Variants in FRMD6 observed in about 807,000 individuals in gnomAD.
FRMD6 encodes the protein FERM domain containing 6.
In FRMD6, 37 loss-of-function variants were observed where a neutral mutation model predicts 73.2. The ratio of observed to expected loss-of-function variants is 0.51; its 90% confidence interval spans 0.39 to 0.66. FRMD6 has a LOEUF of 0.66. Among genes scored for constraint, FRMD6 ranks in the 30% least tolerant of loss-of-function variants. The pLI, the probability that FRMD6 is intolerant of heterozygous loss-of-function variation, is 0.00. For missense variants in FRMD6, 714 were observed against 780.5 expected (o/e 0.91, Z 1.02); for synonymous variants, 273 against 282.2 (o/e 0.97, Z 0.33).
intron 1 of FRMD6, among the ~76,000 whole-genome samples, chr14:51,546,385 A>T (rs905910577): frequency 1.4e-5 from 2 of 143,112 alleles, no homozygotes; most frequent in East Asian, 4.1e-4. Context: ...GTCTCTCAGG[A>T]AAGAGAAACT....
the FRMD6 span, among the ~76,000 whole-genome samples, chr14:51,444,973 A>G: frequency 6.6e-6 from 1 of 152,306 alleles, no homozygotes; most frequent in African/African-American, 2.4e-5. Flanking sequence ...ATATAATACT[A>G]TAATGATCAT....
In FRMD6 at chr14:51,519,233, T is replaced by A. The variant is rs369163858; in HGVS notation, c.-210+29813T>A. Among the ~76,000 whole-genome samples, 8 of 141,026 alleles carry A rather than the reference T, an allele frequency of 5.7e-5. 1 individual carries two copies. In the East Asian group the frequency reaches 1.7e-3, roughly 30 times the overall value. The allele number at this position is 141,026 out of a possible 152,430, so 92.5% of individuals were successfully genotyped here. A position where few individuals can be genotyped will look rare whatever the true frequency, so the allele number is the denominator to read the frequency against. ...AGGCTGGAGTGCAGTGGCACAATCT[T>A]GGCTTGCTGTAACCTCCGCCTCAGG... On this transcript the variant is annotated intron_variant, in intron 1 of 14. Coordinates refer to the FRMD6 transcript ENST00000356218.
chr14:51,678,435 T>C lies in FRMD6; in HGVS notation c.-146-11256T>C, dbSNP rs138753912. On this transcript the variant is annotated intron_variant, in intron 1 of 13. Transcript: ENST00000344768. ...GATCGTATTCTCACATTATGTCCAC[T>C]AAATTTGGAGACAAGAAGAAATGTA... Among the ~76,000 whole-genome samples, 178 of 152,266 alleles carry C rather than the reference T, an allele frequency of 1.2e-3. 1 individual carries two copies. Among genetic ancestry groups the C allele is most frequent in the African/African-American group, 3.8e-3 (157 of 41,558 alleles).
the FRMD6 span, among the ~76,000 whole-genome samples, chr14:51,429,032 G>GGGGAGAGAGAGAGAGAAAAGAGAAGAGAA: frequency 7.3e-6 from 1 of 137,844 alleles, no homozygotes. Flanking sequence ...GAGAGAGAGG[G>GGGGAGAGAGAGAGAGAAAAGAGAAGAGAA]GAGAGAAAAG....
intron 2 of FRMD6, among the ~76,000 whole-genome samples, chr14:51,629,179 A>G (rs1468421000): frequency 6.6e-6 from 1 of 152,180 alleles, no homozygotes; most frequent in Non-Finnish European, 1.5e-5. Context: ...GCGCCCAGCC[A>G]CATCTCCCTT....
chr14:51,563,833 T>G (rs537045243), intron 1 of FRMD6, among the ~76,000 whole-genome samples: 1 of 152,352 alleles, frequency 6.6e-6, no homozygotes, highest in Non-Finnish European at 1.5e-5. Context: ...AAGTCCATTT[T>G]TATTCACTGA....
chr14:51,727,269 C>G (rs756377783), intron 13 of FRMD6, among the ~76,000 whole-genome samples: 26 of 150,724 alleles, frequency 1.7e-4, no homozygotes, highest in Non-Finnish European at 3.2e-4. Flanking sequence ...AAAATAATAA[C>G]AGACCTTGGC....
Position 51,715,343 on chromosome 14 carries a change from T to G in FRMD6, c.868T>G (p.Leu290Val), listed in dbSNP as rs1329391894. ...LVFVGKKFEI[L>V]PDGLPSARKL... is the part of the protein sequence containing the mutation. Reference sequence around the variant, plus strand: ...TCCAAAGGGTAAGAAATTTGAGATTTTGCCAGATGGCTTGCCTTCTGCCCG... The same window carrying G: ...TCCAAAGGGTAAGAAATTTGAGATTGTGCCAGATGGCTTGCCTTCTGCCCG... Residue 290 changes from leucine to valine, a missense_variant, in exon 10 of 14, where the codon TTG becomes GTG. By Grantham distance (32) the Leu-to-Val change is conservative (BLOSUM62 1). Coordinates refer to ENST00000344768, the MANE Select transcript of FRMD6 (RefSeq NM_001267046.2). 22 of 1,570,474 alleles carry G rather than the reference T, an allele frequency of 1.4e-5. No homozygotes were observed. Among genetic ancestry groups the G allele is most frequent in the Non-Finnish European group, 1.8e-5 (21 of 1,156,124 alleles).
chr14:51,421,307 C>T, the FRMD6 span, among the ~76,000 whole-genome samples: 1 of 152,100 alleles, frequency 6.6e-6, no homozygotes, highest in African/African-American at 2.4e-5. Context: ...AGCTGACTGC[C>T]ACTGGATTGA....
At chr14:51,512,070 C>T (rs1884343238) in intron 1 of FRMD6, among the ~76,000 whole-genome samples, 1 of 151,890 alleles carries the variant, frequency 6.6e-6, no homozygotes, top group East Asian at 1.9e-4. Flanking sequence ...CTATTCAGTC[C>T]AGAACTAGAA....
the FRMD6 span, among the ~76,000 whole-genome samples, chr14:51,472,593 G>C: frequency 6.6e-6 from 1 of 152,122 alleles, no homozygotes; most frequent in South Asian, 2.1e-4. Context: ...GTGAGCCTCC[G>C]CACCCAGCCT....
At chr14:51,598,999 A>G (rs1280440378) in intron 2 of FRMD6, among the ~76,000 whole-genome samples, 1 of 149,246 alleles carries the variant, frequency 6.7e-6, no homozygotes, top group Non-Finnish European at 1.5e-5. Flanking sequence ...GGACTAATTT[A>G]CATTCCCACC....
At chr14:51,607,631 G>T (rs143200946) in intron 2 of FRMD6, among the ~76,000 whole-genome samples, 1 of 152,192 alleles carries the variant, frequency 6.6e-6, no homozygotes, top group African/African-American at 2.4e-5. Context: ...AGCAGGAAGT[G>T]GATGGTCTTC....
chr14:51,397,745 G>A, the FRMD6 span, among the ~76,000 whole-genome samples: 11 of 152,152 alleles, frequency 7.2e-5, no homozygotes, highest in Admixed American at 2.6e-4. Context: ...ACCTCACCTC[G>A]TGTGATGAGT....
intron 2 of FRMD6, among the ~76,000 whole-genome samples, chr14:51,600,742 A>C (rs8015142): frequency 0.35 from 52,966 of 152,170 alleles, 10,323 homozygotes; most frequent in Non-Finnish European, 0.41. Context: ...GCAATATAAG[A>C]GAAAAATGTT....
chr14:51,638,135 TTA>T (rs1486253525), intron 2 of FRMD6, among the ~76,000 whole-genome samples: 1 of 152,022 alleles, frequency 6.6e-6, no homozygotes, highest in Non-Finnish European at 1.5e-5. Context: ...ATTTACAAAA[TTA>T]GTTGAGTGTG....
chr14:51,439,208 A>G, the FRMD6 span, among the ~76,000 whole-genome samples: 3 of 152,226 alleles, frequency 2.0e-5, no homozygotes, highest in African/African-American at 7.2e-5. Flanking sequence ...GTAACAACCT[A>G]TGTAGATGGA....
intron 1 of FRMD6, among the ~76,000 whole-genome samples, chr14:51,675,621 G>C (rs567998504): frequency 6.6e-6 from 1 of 152,276 alleles, no homozygotes; most frequent in African/African-American, 2.4e-5. Context: ...AATCCCCCAA[G>C]GGGGTGTTAA....
intron 1 of FRMD6, among the ~76,000 whole-genome samples, chr14:51,513,412 T>C (rs1226417339): frequency 1.3e-5 from 2 of 152,216 alleles, no homozygotes; most frequent in Non-Finnish European, 2.9e-5. Flanking sequence ...CAGATTCCTT[T>C]GCCATTCCTC....
Sources: gnomAD v4.1 joint callset for allele counts (sites outside exome capture counted in the v4.1 genomes callset) on GRCh38, gnomAD v4.1.1 for gene constraint, MANE v1.5 for transcripts, NCBI Gene and HGNC (gene_info 2026-07-23, HGNC 2026-07-21) for gene names.